Variants in CFAP44 observed in about 807,000 individuals in gnomAD.
CFAP44 encodes the protein cilia and flagella associated protein 44.
CFAP44 carries 134 observed loss-of-function variants against 216.2 expected under a neutral mutation model. That is an observed-to-expected ratio of 0.62 (90% CI 0.54 to 0.72). The LOEUF (loss-of-function observed/expected upper bound fraction) is 0.72. Ranked by LOEUF, CFAP44 falls within the 30% of genes least tolerant of loss-of-function variation. The pLI is 0.00. For missense variants in CFAP44, 2,035 were observed against 2,182.1 expected (o/e 0.93, Z 1.34); for synonymous variants, 700 against 727.6 (o/e 0.96, Z 0.61).
chr3:113,369,706 G>C (rs1933084370), intron 18 of CFAP44, among the ~76,000 whole-genome samples: 1 of 152,112 alleles, frequency 6.6e-6, no homozygotes. Context: ...AAAGCTAGCA[G>C]AAGGCAAGAA....
intron 1 of CFAP44, among the ~76,000 whole-genome samples, chr3:113,439,249 G>T (rs62265973): frequency 6.6e-6 from 1 of 151,592 alleles, no homozygotes; most frequent in South Asian, 2.1e-4. Flanking sequence ...GGAGTCACCA[G>T]TGTTAAGAAA....
At chr3:113,440,484 T>C (rs568669490) in intron 1 of CFAP44, among the ~76,000 whole-genome samples, 2 of 152,226 alleles carry the variant, frequency 1.3e-5, no homozygotes, top group Non-Finnish European at 2.9e-5. Flanking sequence ...GTAGATGATT[T>C]CCAAGTCCTG....
At chr3:113,396,469 A>G in intron 14 of CFAP44, 49 bp downstream of exon 14, 1 of 1,582,530 alleles carries the variant, frequency 6.3e-7, no homozygotes, top group South Asian at 1.1e-5. Flanking sequence ...TTATAAGGCA[A>G]TTTAACTATA....
At chr3:113,387,601 T>G (rs1409355736) in intron 15 of CFAP44, among the ~76,000 whole-genome samples, 1 of 152,094 alleles carries the variant, frequency 6.6e-6, no homozygotes, top group African/African-American at 2.4e-5. Context: ...GTTTTAAGTA[T>G]GACCCAGCAC....
At chr3:113,339,069 A>T (rs1488968486) in intron 24 of CFAP44, among the ~76,000 whole-genome samples, 3 of 152,220 alleles carry the variant, frequency 2.0e-5, no homozygotes, top group African/African-American at 7.2e-5. Context: ...AAGCCTGCAC[A>T]TATGGGGCTT....
intron 28 of CFAP44, among the ~76,000 whole-genome samples, chr3:113,322,865 G>C (rs1206428320): frequency 6.6e-6 from 1 of 152,170 alleles, no homozygotes; most frequent in Admixed American, 6.5e-5. Context: ...AAATGAAAGA[G>C]GTTTAATTGA....
intron 17 of CFAP44, among the ~76,000 whole-genome samples, chr3:113,377,554 A>G (rs1451748493): frequency 6.6e-6 from 1 of 152,234 alleles, no homozygotes; most frequent in African/African-American, 2.4e-5. Flanking sequence ...TTGGTTAAGT[A>G]AATTACTTAG....
At position 113,373,491 on chromosome 3, in the gene CFAP44, G is replaced by C; in HGVS notation, c.2364C>G (p.Phe788Leu). 6.2e-7 allele frequency: 1 copy of C among 1,608,494 alleles called. No individual in the cohort carries two copies. The highest frequency in any genetic ancestry group is 8.5e-7 in the Non-Finnish European group (1 of 1,176,992). ...CAATAGGTTCATCTTTTTGTTCTTT[G>C]AAATCACTGCTTTCATCACAAGGGG... is the stretch of plus-strand genomic sequence containing the variant. ...EFPPCDESSD[F>L]KEQKDEPIDV... The change falls in exon 18 of 35, where the codon TTC (phenylalanine) becomes TTG (leucine). Residue 788 changes from phenylalanine to leucine, a missense_variant. This residue lies in a region of CFAP44 where 1,883 missense variants were observed against 2,023.7 expected (regional missense o/e 0.93). Transcript: ENST00000393845.
chr3:113,435,840 T>C (rs921544120), intron 1 of CFAP44, among the ~76,000 whole-genome samples: 18 of 149,404 alleles, frequency 1.2e-4, no homozygotes, highest in African/African-American at 4.5e-4. Flanking sequence ...ATGTTTTACT[T>C]TTTAAAAAGT....
intron 28 of CFAP44, among the ~76,000 whole-genome samples, chr3:113,309,732 TGGAGA>T (rs1166644067): frequency 6.6e-6 from 1 of 151,842 alleles, no homozygotes; most frequent in Non-Finnish European, 1.5e-5. Flanking sequence ...TCTGAAAAAA[TGGAGA>T]GAAGAAAGTA....
chr3:113,410,764 G>A (rs1487119551), intron 6 of CFAP44, among the ~76,000 whole-genome samples: 4 of 151,564 alleles, frequency 2.6e-5, no homozygotes, highest in African/African-American at 7.3e-5. Context: ...ACTCCCACCA[G>A]TAGTGTAAAA....
At chr3:113,366,642 T>C (rs1932942494) in intron 18 of CFAP44, among the ~76,000 whole-genome samples, 1 of 152,170 alleles carries the variant, frequency 6.6e-6, no homozygotes, top group Non-Finnish European at 1.5e-5. Flanking sequence ...CCCAGCAAGA[T>C]CGACTCAGAA....
rs558837005 is a variant in CFAP44 at position 113,317,388 on chromosome 3, G to A, written c.4516+9057C>T. ...TCCAGCTGACCTCCAAGCCAGGAGA[G>A]AGCAGGGCCGGCTTCCCTTTGGGAC... On this transcript the variant is annotated intron_variant, in intron 28 of 34. Coordinates refer to ENST00000393845, the MANE Select transcript of CFAP44 (RefSeq NM_001164496.2). Among the ~76,000 whole-genome samples, 8 of 152,348 alleles carry A rather than the reference G, an allele frequency of 5.3e-5. No individual in the cohort carries two copies. The East Asian group carries it at 1.5e-3, about 29-fold the overall frequency.
In CFAP44 at chr3:113,420,078, A is replaced by C; in HGVS notation, c.509T>G (p.Leu170Trp). 1.9e-6 allele frequency: 3 copies of C among 1,613,902 alleles called. No homozygotes were observed. Among genetic ancestry groups the C allele is most frequent in the Non-Finnish European group, 2.5e-6 (3 of 1,179,880 alleles). ...IAGNQLIFLN[L>W]KTKEQIYLRS... ...CAGGTAGATCTGTTCCTTGGTTTTCAAATTCAGAAAGATCAGTTGGTTCCC... is the reference window on the plus strand; with the variant it reads ...CAGGTAGATCTGTTCCTTGGTTTTCCAATTCAGAAAGATCAGTTGGTTCCC... Residue 170 changes from leucine (L) to tryptophan (W), a missense_variant, in exon 5 of 35, where the codon TTG becomes TGG. This residue lies in a region of CFAP44 where 1,883 missense variants were observed against 2,023.7 expected (regional missense o/e 0.93). Coordinates refer to ENST00000393845, the MANE Select transcript of CFAP44 (RefSeq NM_001164496.2).
At chr3:113,394,799 C>T (rs934990075) in intron 15 of CFAP44, among the ~76,000 whole-genome samples, 15 of 152,180 alleles carry the variant, frequency 9.9e-5, no homozygotes, top group South Asian at 2.1e-4. Context: ...CATTCAAAGC[C>T]CACATGCATG....
intron 8 of CFAP44, among the ~76,000 whole-genome samples, chr3:113,406,517 G>A (rs1468076323): frequency 2.6e-5 from 4 of 151,932 alleles, no homozygotes; most frequent in Non-Finnish European, 4.4e-5. Flanking sequence ...CCAGCTACTC[G>A]GGAGGCTGAG....
In CFAP44 at chr3:113,373,669, ATCTACT is replaced by A. The variant is rs1418907189; in HGVS notation, c.2299-119_2299-114del. The A allele has an allele frequency of 1.3e-5, 11 of 848,616 alleles. No homozygotes were observed. The African/African-American group carries it at 1.8e-4, about 14-fold the overall frequency. 52.6% of individuals were successfully genotyped at this position (848,616 alleles called of 1,614,324 possible). ...AAACATAAAATAGATGTTTTCAAACATCTACTTCTACATAATTTCTATGATTATAGA... is the reference window on the plus strand; with the variant it reads ...AAACATAAAATAGATGTTTTCAAACATCTACATAATTTCTATGATTATAGA... On this transcript the variant is annotated intron_variant, in intron 17 of 34. Coordinates refer to ENST00000393845, the MANE Select transcript of CFAP44 (RefSeq NM_001164496.2).
intron 25 of CFAP44, among the ~76,000 whole-genome samples, chr3:113,332,657 T>C (rs558477605): frequency 2.0e-5 from 3 of 152,218 alleles, no homozygotes; most frequent in East Asian, 3.9e-4. Flanking sequence ...GGAATTAATA[T>C]AGCAGGAAGA....
Position 113,438,777 on chromosome 3 carries a change from C to A in CFAP44, c.-6+2676G>T, listed in dbSNP as rs536916836. 3.3e-5 allele frequency among the ~76,000 whole-genome samples: 5 copies of A among 152,248 alleles called. No homozygotes were observed. In the South Asian group the frequency reaches 1.0e-3, roughly 32 times the overall value. ...CACACAGAACAAGTTTTTCTGTGTACTTCAACCATTCAAATAATTGTAGTT... is the reference window on the plus strand; with the variant it reads ...CACACAGAACAAGTTTTTCTGTGTAATTCAACCATTCAAATAATTGTAGTT... On this transcript the variant is annotated intron_variant, in intron 1 of 34. Transcript: ENST00000393845.
Sources: gnomAD v4.1 joint callset for allele counts (sites outside exome capture counted in the v4.1 genomes callset) on GRCh38, gnomAD v4.1.1 for gene constraint, gnomAD v4.1.1 regional missense constraint, MANE v1.5 for transcripts, NCBI Gene and HGNC (gene_info 2026-07-23, HGNC 2026-07-21) for gene names.